The following MED13L variants were observed in gnomAD, a reference collection of about 807,000 sequenced individuals.
MED13L encodes mediator of RNA polymerase II transcription subunit 13-like.
In MED13L, 7 loss-of-function variants were observed where a neutral mutation model predicts 220.9. The observed-to-expected ratio is 0.03, with a 90% CI of 0.02 to 0.06. The LOEUF (loss-of-function observed/expected upper bound fraction) is 0.06, where lower values mean the gene tolerates loss of function less well. Ranked by LOEUF, MED13L falls within the 10% of genes least tolerant of loss-of-function variation. MED13L has a pLI of 1.00. For synonymous variants in MED13L, 1,011 were observed against 1,015.2 expected, an observed-to-expected ratio of 1.00 and a Z score of 0.08; for missense variants, 1,965 against 2,760.5, an observed-to-expected ratio of 0.71 and a Z score of 6.46.
intron 4 of MED13L, among the ~76,000 whole-genome samples, chr12:116,039,727 C>T (rs558729494): frequency 4.5e-4 from 68 of 152,038 alleles, no homozygotes; most frequent in African/African-American, 1.6e-3. Flanking sequence ...GAGAGAAAAG[C>T]TTGGTTTATA....
chr12:116,236,015 A>C (rs1870049013), intron 2 of MED13L, among the ~76,000 whole-genome samples: 1 of 152,230 alleles, frequency 6.6e-6, no homozygotes, highest in South Asian at 2.1e-4. Context: ...AAAAAAAGTA[A>C]AAATATGTTT....
chr12:116,237,356 T>C (rs1206280560), intron 2 of MED13L, 112 bp downstream of exon 2: 19 of 884,482 alleles, frequency 2.1e-5, no homozygotes, highest in Non-Finnish European at 3.3e-5. Context: ...GAGACATCCA[T>C]GAAACACTTA....
intron 13 of MED13L, 116 bp from the exon 14 acceptor site, chr12:116,003,218 G>C: frequency 1.2e-6 from 1 of 832,070 alleles, no homozygotes; most frequent in East Asian, 2.6e-5. Flanking sequence ...CGTTTACCAG[G>C]TGAACCTCTA....
chr12:116,276,747 G>A, intron 1 of MED13L: 2 of 1,274,942 alleles, frequency 1.6e-6, no homozygotes, highest in Non-Finnish European at 2.0e-6. Flanking sequence ...AGGAGAAGGG[G>A]AGTGCGATTG....
intron 23 of MED13L, among the ~76,000 whole-genome samples, 185 bp from the exon 24 acceptor site, chr12:115,975,923 T>A (rs936751373): frequency 2.0e-5 from 3 of 152,096 alleles, no homozygotes; most frequent in Non-Finnish European, 4.4e-5. Flanking sequence ...ATTGTTTAAA[T>A]CATGTAAGCT....
chr12:116,047,522 T>C (rs1242276907), intron 4 of MED13L, among the ~76,000 whole-genome samples: 2 of 152,216 alleles, frequency 1.3e-5, no homozygotes, highest in African/African-American at 4.8e-5. Context: ...AAGTGACATG[T>C]TCTTGATAGT....
chr12:116,094,364 A>G (rs952038561), intron 4 of MED13L, among the ~76,000 whole-genome samples: 1 of 152,230 alleles, frequency 6.6e-6, no homozygotes, highest in Non-Finnish European at 1.5e-5. Context: ...ATGAACATAA[A>G]GTCTAAAATC....
At chr12:116,079,953 G>GC (rs1555208148) in intron 4 of MED13L, among the ~76,000 whole-genome samples, 1 of 151,882 alleles carries the variant, frequency 6.6e-6, no homozygotes, top group Non-Finnish European at 1.5e-5. Context: ...ACCATGGGCC[G>GC]CATGTGGCCC....
Position 115,991,504 on chromosome 12 carries a change from G to A in MED13L, c.3450C>T (p.Pro1150=), listed in dbSNP as rs78561507. The A allele has an allele frequency of 1.5e-3, 2,415 of 1,614,134 alleles. 34 individuals carry two copies. The African/African-American group carries it at 0.027, about 18-fold the overall frequency. The part of the protein sequence containing the change: ...IKGADVGLYI[P]DSSNEDQYRC... ...GGTACTGGTCCTCATTGGAAGAATC[G>A]GGGATGTAAAGCCCGACATCCGCCC... The change falls in exon 17 of 31, where the codon CCC becomes CCT. Residue 1150 remains proline, a synonymous_variant. Transcript: ENST00000281928. The surrounding 1 kb of genome is among the most constrained non-coding windows in gnomAD (Gnocchi z 7.7).
chr12:115,984,108 TA>T (rs1395622998), intron 20 of MED13L, 71 bp downstream of exon 20: 6 of 1,478,478 alleles, frequency 4.1e-6, no homozygotes, highest in Non-Finnish European at 5.6e-6. Context: ...GTTGCATCTA[TA>T]AAAGAAGGGA....
intron 14 of MED13L, among the ~76,000 whole-genome samples, chr12:116,000,262 T>G (rs1878655327): frequency 6.6e-6 from 1 of 152,194 alleles, no homozygotes; most frequent in African/African-American, 2.4e-5. Context: ...CAAGAAACAC[T>G]TTGGTCCTCC....
At chr12:116,129,028 C>G (rs569799236) in intron 2 of MED13L, among the ~76,000 whole-genome samples, 8 of 151,868 alleles carry the variant, frequency 5.3e-5, no homozygotes, top group Admixed American at 3.3e-4. Flanking sequence ...TTATTTTCTT[C>G]CTGGAAAATC....
At chr12:116,014,699 C>G (rs908060668) in intron 8 of MED13L, among the ~76,000 whole-genome samples, 1 of 152,116 alleles carries the variant, frequency 6.6e-6, no homozygotes, top group African/African-American at 2.4e-5. Flanking sequence ...TTAATTACAA[C>G]TAAGGCCTGT....
chr12:116,101,554 A>G (rs746807285), intron 3 of MED13L, among the ~76,000 whole-genome samples: 2 of 152,194 alleles, frequency 1.3e-5, no homozygotes, highest in African/African-American at 2.4e-5. Context: ...AAAAATCTAC[A>G]TATTTCAATT....
At chr12:116,173,476 G>A (rs1220847986) in intron 2 of MED13L, among the ~76,000 whole-genome samples, 1 of 152,104 alleles carries the variant, frequency 6.6e-6, no homozygotes, top group Non-Finnish European at 1.5e-5. Flanking sequence ...ATTTTAAGAT[G>A]ACAGTATATA....
chr12:116,221,119 A>G (rs1437115721), intron 2 of MED13L, among the ~76,000 whole-genome samples: 2 of 152,176 alleles, frequency 1.3e-5, no homozygotes, highest in African/African-American at 4.8e-5. Context: ...TCATGTGTGT[A>G]ATCTCAACGC....
At chr12:116,183,820 A>ATATG (rs1880699980) in intron 2 of MED13L, among the ~76,000 whole-genome samples, 1 of 146,486 alleles carries the variant, frequency 6.8e-6, no homozygotes, top group Non-Finnish European at 1.5e-5. Flanking sequence ...GTGTGTGTGT[A>ATATG]TGTGTGTGTG....
At chr12:115,976,103 G>A (rs1318024290) in intron 23 of MED13L, among the ~76,000 whole-genome samples, 3 of 152,140 alleles carry the variant, frequency 2.0e-5, no homozygotes, top group Non-Finnish European at 4.4e-5. Flanking sequence ...ATATTGGTAA[G>A]AATATGGAGC....
chr12:116,264,018 A>G (rs1051011379), intron 1 of MED13L, among the ~76,000 whole-genome samples: 5 of 152,212 alleles, frequency 3.3e-5, no homozygotes, highest in African/African-American at 1.2e-4. Flanking sequence ...GTATGCCAAC[A>G]TACCCAAAAT....
Sources: allele counts gnomAD v4.1 joint callset (sites outside exome capture counted in the v4.1 genomes callset), GRCh38; gene constraint gnomAD v4.1.1; non-coding constraint Gnocchi (gnomAD v3.1); transcripts MANE v1.5; gene names NCBI Gene and HGNC (gene_info 2026-07-23, HGNC 2026-07-21).